Variants in CCDC88A observed in about 807,000 individuals in gnomAD.
CCDC88A encodes girdin.
CCDC88A carries 54 observed loss-of-function variants against 234.3 expected under a neutral mutation model. The ratio of observed to expected loss-of-function variants is 0.23; its 90% CI spans 0.19 to 0.29. CCDC88A has a LOEUF of 0.29. Ranked by LOEUF, CCDC88A falls within the 10% of genes least tolerant of loss-of-function variation. The pLI, the probability that CCDC88A is intolerant of heterozygous loss-of-function variation, is 1.00. For missense variants in CCDC88A, 1,832 were observed against 2,123.4 expected, an observed-to-expected ratio of 0.86 and a Z score of 2.70; for synonymous variants, 753 against 737.8, an observed-to-expected ratio of 1.02 and a Z score of -0.33.
rs1180663990 is a variant in CCDC88A at position 55,303,093 on chromosome 2, T to C, written c.4447A>G (p.Lys1483Glu). The change falls in exon 26 of 33, where the codon AAG becomes GAG. Residue 1483 changes from lysine (K) to glutamate (E), a missense_variant. Lys to Glu is a moderately conservative substitution (Grantham distance 56). Transcript: ENST00000436346. ...RNRPKDKDKM[K>E]ACYRRSMSMN... ...CACATGGAACGACGGTAGCAGGCCT[T>C]CATTTTGTCTTTATCCTTCGGTCTG... 2 of 1,551,304 alleles carry C rather than the reference T, an allele frequency of 1.3e-6. No individual in the cohort carries two copies. The highest frequency in any genetic ancestry group is 2.7e-5 in the African/African-American group (2 of 73,038).
chr2:55,338,745 GA>G (rs1668097937), intron 13 of CCDC88A, among the ~76,000 whole-genome samples: 1 of 152,152 alleles, frequency 6.6e-6, no homozygotes, highest in South Asian at 2.1e-4. Context: ...AAGGATTCAG[GA>G]CCAAAGCAGC....
chr2:55,336,738 C>G lies in CCDC88A; in HGVS notation c.1599G>C (p.Lys533Asn). The G allele has an allele frequency of 6.3e-7, 1 of 1,594,152 alleles. No individual in the cohort carries two copies. Among genetic ancestry groups the G allele is most frequent in the Non-Finnish European group, 8.6e-7 (1 of 1,168,388 alleles). ...TTGTTTTTTCAAGCTGAGCTTTCTC[C>G]TTCATTAGATCCTTGCTTAAATTCT... ...NCQNLSKDLMKEKAQLEKTIE... is the reference protein window; with the variant it reads ...NCQNLSKDLMNEKAQLEKTIE... Residue 533 changes from lysine to asparagine, a missense_variant, in exon 14 of 33, where the codon AAG becomes AAC. Lys to Asn is a moderately conservative substitution (Grantham distance 94). Coordinates refer to ENST00000436346, the MANE Select transcript of CCDC88A (RefSeq NM_001365480.1).
rs569281591 is a variant in CCDC88A at position 55,289,341 on chromosome 2, A to G, written c.*1859T>C. 6 of 152,610 alleles carry G rather than the reference A, an allele frequency of 3.9e-5. No homozygotes were observed. Among genetic ancestry groups the G allele is most frequent in the African/African-American group, 7.2e-5 (3 of 41,456 alleles). The allele number at this position is 152,610 out of a possible 1,614,324, so 9.5% of individuals were successfully genotyped here. A position where few individuals can be genotyped will look rare whatever the true frequency, so the allele number is the denominator to read the frequency against. ...TGTATTTAGCCATAACATAATTTCT[A>G]TGTTTACTTTTATCCACCTAAAAAT... On this transcript the variant is annotated 3_prime_UTR_variant, in exon 33 of 33. Transcript: ENST00000436346.
chr2:55,296,219 G>T (rs760160291), intron 30 of CCDC88A, 39 bp downstream of exon 30: 7 of 1,560,302 alleles, frequency 4.5e-6, no homozygotes, highest in South Asian at 1.2e-5. Context: ...TTAACTTGTG[G>T]TGTTCATCTA....
chr2:55,340,407 C>T (rs1469153891), intron 12 of CCDC88A: 1 of 152,184 alleles, frequency 6.6e-6, no homozygotes, highest in Non-Finnish European at 1.5e-5. Context: ...CAAAAAATCT[C>T]TTCAAAATTA....
In CCDC88A at chr2:55,390,341, G is replaced by T. The variant is rs1676445309; in HGVS notation, c.165-1455C>A. Among the ~76,000 whole-genome samples, 3 of 152,036 alleles carry T rather than the reference G, an allele frequency of 2.0e-5. No homozygotes were observed. In the South Asian group the frequency reaches 6.2e-4, roughly 32 times the overall value. On this transcript the variant is annotated intron_variant, in intron 2 of 32. Coordinates refer to ENST00000436346, the MANE Select transcript of CCDC88A (RefSeq NM_001365480.1). Reference sequence around the variant, plus strand: ...GGAAGACCCTATGGATCCCCAAAAGGATCCTCCATCCATACTCTGAGAACC... The same window carrying T: ...GGAAGACCCTATGGATCCCCAAAAGTATCCTCCATCCATACTCTGAGAACC...
At chr2:55,415,464 G>A (rs2105003260) in intron 2 of CCDC88A, among the ~76,000 whole-genome samples, 1 of 152,238 alleles carries the variant, frequency 6.6e-6, no homozygotes, top group Non-Finnish European at 1.5e-5. Flanking sequence ...ATCCCCAATC[G>A]ATGGGAAACA....
Position 55,334,268 on chromosome 2 carries a change from TGTG to T in CCDC88A, c.2550_2552del (p.Thr851del). The T allele has an allele frequency of 6.9e-7, 1 of 1,453,974 alleles. No homozygotes were observed. Among genetic ancestry groups the T allele is most frequent in the Non-Finnish European group, 9.0e-7 (1 of 1,107,356 alleles). The allele number at this position is 1,453,974 out of a possible 1,614,324, so 90.1% of individuals were successfully genotyped here. On this transcript the variant is annotated inframe_deletion, in exon 15 of 33. Coordinates refer to ENST00000436346, the MANE Select transcript of CCDC88A (RefSeq NM_001365480.1). This position sits in a 1 kb window ranked among gnomAD's most constrained non-coding sequence, Gnocchi z 6.1. ...CAATCTTCACATTATTTTCTTCTAA[TGTG>T]GTATCTTTAATTTCTGCTTGTTGTC... is the stretch of plus-strand genomic sequence containing the variant.
chr2:55,402,710 T>TA (rs1480788368), intron 2 of CCDC88A, among the ~76,000 whole-genome samples: 18 of 46,442 alleles, frequency 3.9e-4, no homozygotes, highest in East Asian at 1.0e-3. Context: ...TATTACTATT[T>TA]AAAAAAAAAA....
chr2:55,318,620 AC>A (rs1253347433), intron 19 of CCDC88A, among the ~76,000 whole-genome samples: 2 of 152,196 alleles, frequency 1.3e-5, no homozygotes, highest in African/African-American at 4.8e-5. Flanking sequence ...TGGTAGAAAG[AC>A]CATAAATATA....
intron 7 of CCDC88A, chr2:55,355,979 T>C: frequency 3.1e-6 from 1 of 323,374 alleles, no homozygotes; most frequent in Non-Finnish European, 5.6e-6. Context: ...TTTCCCTTCC[T>C]AGTTTTTTAT....
Position 55,334,568 on chromosome 2 carries a change from T to G in CCDC88A, c.2253A>C (p.Thr751=), listed in dbSNP as rs758979120. The change falls in exon 15 of 33, where the codon ACA becomes ACC. Residue 751 remains threonine, a synonymous_variant. Transcript: ENST00000436346. The surrounding 1 kb of genome is among the most constrained non-coding windows in gnomAD (Gnocchi z 6.1). ...LELLKASFKK[T]ERLEVSYQGL... ...CCTGGTAGCTAACTTCTAAGCGTTC[T>G]GTTTTCTTGAAAGATGCTTTCAGGA... 1 of 1,613,188 alleles carries G rather than the reference T, an allele frequency of 6.2e-7. No homozygotes were observed. The highest frequency in any genetic ancestry group is 8.5e-7 in the Non-Finnish European group (1 of 1,179,690).
At chr2:55,395,682 C>A (rs1350394732) in intron 2 of CCDC88A, among the ~76,000 whole-genome samples, 1 of 152,182 alleles carries the variant, frequency 6.6e-6, no homozygotes, top group South Asian at 2.1e-4. Context: ...AACAACTCAG[C>A]TGGCAGCCTG....
In CCDC88A at chr2:55,374,853, A is replaced by G. The variant is rs1673378302; in HGVS notation, c.304T>C (p.Leu102=). The change falls in exon 4 of 33, where the codon TTG becomes CTG. Residue 102 remains leucine (L), a synonymous_variant. Transcript: ENST00000436346. ...TTGCCAATGATTAAGACATTTGGCA[A>G]CGACATCATGATCAATTGCTGCAAA... is the stretch of plus-strand genomic sequence containing the variant. The part of the protein sequence containing the change: ...ETLQQLIMMS[L]PNVLIIGKNP... 1.2e-6 allele frequency: 2 copies of G among 1,609,428 alleles called. No homozygotes were observed. The highest frequency in any genetic ancestry group is 1.7e-6 in the Non-Finnish European group (2 of 1,176,476).
Position 55,317,970 on chromosome 2 carries a change from G to A in CCDC88A, c.3325-129C>T. 1.5e-6 allele frequency: 1 copy of A among 656,650 alleles called. No individual in the cohort carries two copies. Among genetic ancestry groups the A allele is most frequent in the East Asian group, 2.8e-5 (1 of 36,078 alleles). 40.7% of individuals were successfully genotyped at this position (656,650 alleles called of 1,614,324 possible). A position where few individuals can be genotyped will look rare whatever the true frequency, so the allele number is the denominator to read the frequency against. ...AGCACACATATTTACATTATACTGG[G>A]AAGACGTGGATTTTAGCTTCCCAAA... is the stretch of plus-strand genomic sequence containing the variant. On this transcript the variant is annotated intron_variant, in intron 19 of 32. Coordinates refer to ENST00000436346, the MANE Select transcript of CCDC88A (RefSeq NM_001365480.1). The surrounding 1 kb of genome is among the most constrained non-coding windows in gnomAD (Gnocchi z 4.2).
In CCDC88A at chr2:55,315,948, T is replaced by G. The variant is rs1406359657; in HGVS notation, c.3913A>C (p.Lys1305Gln). 2.6e-6 allele frequency: 4 copies of G among 1,558,474 alleles called. No individual in the cohort carries two copies. The East Asian group carries it at 7.0e-5, about 27-fold the overall frequency. Residue 1305 changes from lysine (K) to glutamine (Q), a missense_variant, in exon 22 of 33, where the codon AAG becomes CAG. Around this residue, in one of 6 missense-constraint regions of CCDC88A, gnomAD observed 1,282 missense variants for 1,543.6 expected, o/e 0.83. Coordinates refer to ENST00000436346, the MANE Select transcript of CCDC88A (RefSeq NM_001365480.1). The stretch of plus-strand genomic sequence containing the variant: ...CTCACCTCACACTGGTTATTCAGCT[T>G]GGTTGATGTAATATCCAATTGTTGG... ...QYQQLDITST[K>Q]LNNQCELLSQ... is the part of the protein sequence containing the mutation.
chr2:55,297,529 GCCT>G (rs1680341976), intron 29 of CCDC88A, among the ~76,000 whole-genome samples: 1 of 145,644 alleles, frequency 6.9e-6, no homozygotes, highest in Non-Finnish European at 1.5e-5. Context: ...TCTTGCCTCT[GCCT>G]CCCAAGTAGC....
intron 17 of CCDC88A, among the ~76,000 whole-genome samples, chr2:55,327,450 C>T (rs1164254261): frequency 6.6e-6 from 1 of 152,114 alleles, no homozygotes; most frequent in African/African-American, 2.4e-5. Flanking sequence ...GGAAAGCTCC[C>T]GCACACACCC....
chr2:55,294,153 A>G (rs532997001), intron 31 of CCDC88A: 34 of 690,708 alleles, frequency 4.9e-5, no homozygotes, highest in Non-Finnish European at 5.9e-5. Context: ...TAGAAGTAAA[A>G]ATACAAATTT....
Sources: gnomAD v4.1 joint callset for allele counts (sites outside exome capture counted in the v4.1 genomes callset) on GRCh38, gnomAD v4.1.1 for gene constraint, gnomAD v4.1.1 regional missense constraint, Gnocchi (gnomAD v3.1) non-coding constraint, MANE v1.5 for transcripts, NCBI Gene and HGNC (gene_info 2026-07-23, HGNC 2026-07-21) for gene names.